Variants in MGAM observed in about 807,000 individuals in gnomAD.
MGAM encodes the protein alpha-1,4-glucosidase.
Under a neutral mutation model 358.8 loss-of-function variants are expected in MGAM, and 253 were observed. The observed-to-expected ratio is 0.71, with a 90% CI of 0.64 to 0.78. The LOEUF (loss-of-function observed/expected upper bound fraction) is 0.78, where lower values mean the gene tolerates loss of function less well. MGAM is among the 30% of genes least tolerant of loss of function. The pLI, the probability that MGAM is intolerant of heterozygous loss-of-function variation, is 0.00. For synonymous variants in MGAM, 1,105 were observed against 1,227.1 expected, an observed-to-expected ratio of 0.90 and a Z score of 2.08; for missense variants, 3,080 against 3,432.6, an observed-to-expected ratio of 0.90 and a Z score of 2.57.
Position 142,066,472 on chromosome 7 carries a change from A to C in MGAM, c.4771-101A>C, listed in dbSNP as rs1195369711. On this transcript the variant is annotated intron_variant, in intron 40 of 70. Transcript: ENST00000475668. ...CCTCATGTATAGTTTTCTTTTGTTT[A>C]GCTGTGAGTGATCTTCAATTGGAGT... 19 of 1,324,720 alleles carry C rather than the reference A, an allele frequency of 1.4e-5. 2 individuals carry two copies. Among genetic ancestry groups the C allele is most frequent in the Non-Finnish European group, 2.0e-5 (19 of 951,992 alleles). 82.1% of individuals were successfully genotyped at this position (1,324,720 alleles called of 1,614,324 possible). A position where few individuals can be genotyped will look rare whatever the true frequency, so the allele number is the denominator to read the frequency against.
rs1457534436 is a variant in MGAM, at chr7:142,052,842, G to T, written c.3017G>T (p.Ser1006Ile). ...CYFVNDLYSV[S>I]DVQYNSHGAT... ...TTTGTCAACGACCTATACTCTGTCA[G>T]TGATGTTCAGTATAATTCCCATGGG... is the stretch of plus-strand genomic sequence containing the variant. The change falls in exon 26 of 71, where the codon AGT becomes ATT. Residue 1006 changes from serine (S) to isoleucine (I), a missense_variant. Physicochemically the swap from Ser to Ile is moderately radical, Grantham distance 142. Transcript: ENST00000475668. The T allele has an allele frequency of 1.2e-6, 2 of 1,613,852 alleles. No individual in the cohort carries two copies. The highest frequency in any genetic ancestry group is 4.5e-5 in the East Asian group (2 of 44,874).
rs1814723338 is a variant in MGAM at position 142,086,053 on chromosome 7, A to G, written c.6636+92A>G. On this transcript the variant is annotated intron_variant, in intron 55 of 70. Coordinates refer to ENST00000475668, the MANE Select transcript of MGAM (RefSeq NM_001365693.1). ...TATACTTTATTTCCATGTTGCAAGT[A>G]GATAAATTGAAGTGTAGTAAGAAAT... The G allele has an allele frequency of 6.0e-6, 9 of 1,499,732 alleles. No individual in the cohort carries two copies. In the Admixed American group the frequency reaches 1.6e-4, roughly 27 times the overall value. The allele number at this position is 1,499,732 out of a possible 1,614,324, so 92.9% of individuals were successfully genotyped here.
At chr7:142,086,768 AG>A in intron 57 of MGAM, 51 bp downstream of exon 57, 2 of 910,394 alleles carry the variant, frequency 2.2e-6, no homozygotes, top group Non-Finnish European at 3.1e-6. Context: ...AGGAAGGGGC[AG>A]CCGTTCCTGG....
At position 142,069,114 on chromosome 7, in the gene MGAM, G is replaced by A. The variant is rs180745733; in HGVS notation, c.5061+411G>A. ...AGTTTGTAAGCATAGAGGCCGTTTT[G>A]TCTCTTTTGATTAAATACCTCCTTC... On this transcript the variant is annotated intron_variant, in intron 43 of 70. Transcript: ENST00000475668. Among the ~76,000 whole-genome samples, 549 of 146,254 alleles carry A rather than the reference G, an allele frequency of 3.8e-3. 26 individuals are homozygous for A. Among genetic ancestry groups the A allele is most frequent in the African/African-American group, 0.013 (517 of 41,150 alleles).
rs1289550683 is a variant in MGAM, at chr7:142,071,128, A to G, written c.5186+10A>G. The G allele has an allele frequency of 6.5e-7, 1 of 1,547,242 alleles. No homozygotes were observed. The highest frequency in any genetic ancestry group is 2.3e-5 in the East Asian group (1 of 43,822). ...TGAACACCCACTTAAGGTGAATGAC[A>G]GGACTCAGGTTTTCCTTTACATTTC... On this transcript the variant is annotated intron_variant, in intron 44 of 70. Coordinates refer to ENST00000475668, the MANE Select transcript of MGAM (RefSeq NM_001365693.1).
At chr7:142,066,177 G>A (rs1276205034) in intron 40 of MGAM, among the ~76,000 whole-genome samples, 1 of 145,074 alleles carries the variant, frequency 6.9e-6, no homozygotes, top group Non-Finnish European at 1.6e-5. Context: ...TCACAGGATG[G>A]TCTCGAACTC....
At chr7:142,002,685 C>G (rs1804829055) in intron 1 of MGAM, among the ~76,000 whole-genome samples, 3 of 151,932 alleles carry the variant, frequency 2.0e-5, no homozygotes. Context: ...ACAAGGATGC[C>G]CATTGTCACC....
intron 30 of MGAM, among the ~76,000 whole-genome samples, chr7:142,057,500 TGTGGTGATA>T (rs1185942567): frequency 2.6e-5 from 3 of 114,846 alleles, no homozygotes; most frequent in Non-Finnish European, 5.1e-5. Flanking sequence ...TGATAGTGGT[TGTGGTGATA>T]GTGGTGATGG....
intron 68 of MGAM, among the ~76,000 whole-genome samples, chr7:142,101,580 T>C (rs1015545301): frequency 1.1e-4 from 17 of 151,952 alleles, no homozygotes; most frequent in Non-Finnish European, 2.4e-4. Context: ...GGATAGCCAG[T>C]GGCAACTGAC....
Position 142,030,402 on chromosome 7 carries a change from G to T in MGAM, c.1262G>T (p.Arg421Met). The change falls in exon 11 of 71, where the codon AGG becomes ATG. Residue 421 changes from arginine to methionine, a missense_variant. Physicochemically the swap from Arg to Met is moderately conservative, Grantham distance 91. Transcript: ENST00000475668. ...HADIDYMDER[R>M]DFTYDSVDFK... ...GATATTGATTATATGGATGAGAGAA[G>T]GGACTTCACTTATGATTCAGTGGAT... is the stretch of plus-strand genomic sequence containing the variant. 6.2e-7 allele frequency: 1 copy of T among 1,613,334 alleles called. No individual in the cohort carries two copies.
intron 1 of MGAM, among the ~76,000 whole-genome samples, chr7:141,996,611 G>T (rs1804258961): frequency 6.6e-6 from 1 of 152,172 alleles, no homozygotes; most frequent in South Asian, 2.1e-4. Flanking sequence ...TAGAATTTGG[G>T]AGTGAGATTA....
chr7:142,053,141 G>C (rs755914539), intron 26 of MGAM, among the ~76,000 whole-genome samples, 157 bp downstream of exon 26: 9 of 152,218 alleles, frequency 5.9e-5, no homozygotes, highest in Middle Eastern at 6.8e-3. Context: ...GGAACAATGA[G>C]ACCTGCCCTA....
chr7:142,042,797 TATA>T lies in MGAM; in HGVS notation c.2498+1955_2498+1957del, dbSNP rs1317128112. Among the ~76,000 whole-genome samples the T allele has an allele frequency of 4.9e-4, 37 of 75,580 alleles. 1 individual carries two copies. The highest frequency in any genetic ancestry group is 6.9e-4 in the Non-Finnish European group (30 of 43,728). The allele number at this position is 75,580 out of a possible 152,430, so 49.6% of individuals were successfully genotyped here. ...TATATCTAAATATAATATATATACA[TATA>T]ATATCTAAATATAATATCTAAATAT... is the stretch of plus-strand genomic sequence containing the variant. On this transcript the variant is annotated intron_variant, in intron 21 of 70. Coordinates refer to ENST00000475668, the MANE Select transcript of MGAM (RefSeq NM_001365693.1).
In MGAM at chr7:142,089,791, G is replaced by GA. The variant is rs1241708113; in HGVS notation, c.6811-2113dup. Among the ~76,000 whole-genome samples, 8 of 142,480 alleles carry GA rather than the reference G, an allele frequency of 5.6e-5. 1 individual carries two copies. Among genetic ancestry groups the GA allele is most frequent in the Non-Finnish European group, 9.5e-5 (6 of 63,138 alleles). The allele number at this position is 142,480 out of a possible 152,430, so 93.5% of individuals were successfully genotyped here. On this transcript the variant is annotated intron_variant, in intron 57 of 70. Coordinates refer to ENST00000475668, the MANE Select transcript of MGAM (RefSeq NM_001365693.1). ...GACACAGCGAGACTCCGTCTCAGAA[G>GA]AAAAAAAAAGGAAGGAAAGTTATTA... is the stretch of plus-strand genomic sequence containing the variant.
chr7:142,068,640 A>G lies in MGAM; in HGVS notation c.5005-7A>G. ...CACTGCCTCACCTTGTTTGTGTTTCATTTTAGAATGCCAGAAATGTCACTG... is the reference window on the plus strand; with the variant it reads ...CACTGCCTCACCTTGTTTGTGTTTCGTTTTAGAATGCCAGAAATGTCACTG... On this transcript the variant is annotated splice_region_variant and splice_polypyrimidine_tract_variant and intron_variant, in intron 42 of 70. Coordinates refer to ENST00000475668, the MANE Select transcript of MGAM (RefSeq NM_001365693.1). 6.5e-7 allele frequency: 1 copy of G among 1,532,642 alleles called. No individual in the cohort carries two copies. Among genetic ancestry groups the G allele is most frequent in the South Asian group, 1.1e-5 (1 of 88,808 alleles). The allele number at this position is 1,532,642 out of a possible 1,614,324, so 94.9% of individuals were successfully genotyped here.
In MGAM at chr7:142,047,772, T is replaced by C; in HGVS notation, c.2499-13T>C. On this transcript the variant is annotated splice_polypyrimidine_tract_variant and intron_variant, in intron 21 of 70. Transcript: ENST00000475668. ...GACTCCTGTCTTTGTGTCTTGAATCTTGTTCCCCACAGTCGAAAGAACCCT... is the reference window on the plus strand; with the variant it reads ...GACTCCTGTCTTTGTGTCTTGAATCCTGTTCCCCACAGTCGAAAGAACCCT... 1 of 1,607,100 alleles carries C rather than the reference T, an allele frequency of 6.2e-7. No homozygotes were observed. The highest frequency in any genetic ancestry group is 8.5e-7 in the Non-Finnish European group (1 of 1,173,852).
Position 142,021,064 on chromosome 7 carries a change from C to G in MGAM, c.539C>G (p.Ser180Cys). ...NVLLTAEYQT[S>C]NRFHFKLTDQ... is the part of the protein sequence containing the mutation. ...CTTCTCACAGCAGAATATCAGACAT[C>G]TAATCGTTTCCACTTTAAGGTTGTA... The change falls in exon 5 of 71, where the codon TCT (serine) becomes TGT (cysteine). Residue 180 changes from serine to cysteine, a missense_variant. Ser to Cys is a moderately radical substitution (Grantham distance 112, BLOSUM62 -1). Coordinates refer to ENST00000475668, the MANE Select transcript of MGAM (RefSeq NM_001365693.1). 1 of 1,607,022 alleles carries G rather than the reference C, an allele frequency of 6.2e-7. No homozygotes were observed.
chr7:142,085,740 C>A lies in MGAM; in HGVS notation c.6508-93C>A, dbSNP rs182032637. 214 of 1,411,630 alleles carry A rather than the reference C, an allele frequency of 1.5e-4. 6 individuals carry two copies. In the African/African-American group the frequency reaches 2.4e-3, roughly 16 times the overall value. The allele number at this position is 1,411,630 out of a possible 1,614,324, so 87.4% of individuals were successfully genotyped here. On this transcript the variant is annotated intron_variant, in intron 54 of 70. Transcript: ENST00000475668. ...CTTGAAAGCATCAACAAGAAGCTAT[C>A]TGGAATTCCACCATGGGTGGTGGAG...
At chr7:142,032,033 CTTTTT>C (rs371378447) in intron 13 of MGAM, among the ~76,000 whole-genome samples, 1,815 of 122,312 alleles carry the variant, frequency 0.015, 28 homozygotes, top group African/African-American at 0.051. Flanking sequence ...AAGTCTAGCT[CTTTTT>C]TTTTTTTTTT....
Sources: gnomAD v4.1 joint callset for allele counts (sites outside exome capture counted in the v4.1 genomes callset) on GRCh38, gnomAD v4.1.1 for gene constraint, MANE v1.5 for transcripts, NCBI Gene and HGNC (gene_info 2026-07-23, HGNC 2026-07-21) for gene names.